TNIK: variants seen among roughly 807,000 people sequenced by gnomAD.
The protein encoded by TNIK is TRAF2 and NCK-interacting protein kinase.
Under a neutral mutation model 191.3 loss-of-function variants are expected in TNIK, and 49 were observed. That is an observed-to-expected ratio of 0.26 (90% CI 0.20 to 0.32). The LOEUF is 0.32. Among genes scored for constraint, TNIK ranks in the 10% least tolerant of loss-of-function variants. The probability of loss-of-function intolerance (pLI) is 1.00; values close to 1 mark genes in which losing one functional copy is unlikely to be tolerated. For synonymous variants in TNIK, 594 were observed against 600.9 expected, an observed-to-expected ratio of 0.99 and a Z score of 0.17; for missense variants, 1,155 against 1,702.3, an observed-to-expected ratio of 0.68 and a Z score of 5.66.
intron 2 of TNIK, among the ~76,000 whole-genome samples, chr3:171,277,606 ATAGCAGGGGT>A (rs995256095): frequency 1.3e-5 from 2 of 152,194 alleles, no homozygotes; most frequent in Non-Finnish European, 2.9e-5. Flanking sequence ...ATAATTGTTT[ATAGCAGGGGT>A]TAGCAAACTA....
intron 1 of TNIK, among the ~76,000 whole-genome samples, chr3:171,383,194 G>A (rs535692821): frequency 3.3e-5 from 5 of 152,210 alleles, no homozygotes; most frequent in African/African-American, 1.2e-4. Context: ...ATGATACAGG[G>A]GGCAAGGAAA....
intron 28 of TNIK, among the ~76,000 whole-genome samples, chr3:171,072,492 A>T (rs897088932): frequency 6.6e-6 from 1 of 152,174 alleles, no homozygotes; most frequent in Non-Finnish European, 1.5e-5. Context: ...GAATGGGAAA[A>T]AGCTAAGAGC....
chr3:171,430,010 T>C (rs2108656626), intron 1 of TNIK, among the ~76,000 whole-genome samples: 1 of 152,280 alleles, frequency 6.6e-6, no homozygotes, highest in East Asian at 1.9e-4. Context: ...CCAGACCTAC[T>C]GATTCAGAAT....
At chr3:171,339,025 T>C (rs1757259920) in intron 2 of TNIK, among the ~76,000 whole-genome samples, 1 of 152,206 alleles carries the variant, frequency 6.6e-6, no homozygotes, top group African/African-American at 2.4e-5. Context: ...TCGTCTTTCT[T>C]TTCTCCTAAA....
chr3:171,199,499 T>C (rs1342912148), intron 4 of TNIK, among the ~76,000 whole-genome samples: 2 of 152,260 alleles, frequency 1.3e-5, no homozygotes, highest in Non-Finnish European at 2.9e-5. Flanking sequence ...GAATTTACCA[T>C]GTGCCAGGCA....
intron 12 of TNIK, among the ~76,000 whole-genome samples, chr3:171,144,571 CAA>C (rs963234983): frequency 9.9e-5 from 15 of 152,080 alleles, no homozygotes; most frequent in African/African-American, 3.1e-4. Flanking sequence ...ATGTAATGAT[CAA>C]GTCAGTGTAA....
intron 2 of TNIK, among the ~76,000 whole-genome samples, chr3:171,345,328 T>A (rs1711987220): frequency 6.6e-6 from 1 of 152,194 alleles, no homozygotes; most frequent in Admixed American, 6.5e-5. Flanking sequence ...ACCAGTCTCT[T>A]CCTTTGTTAT....
At chr3:171,286,085 C>T (rs1199183552) in intron 2 of TNIK, among the ~76,000 whole-genome samples, 3 of 152,076 alleles carry the variant, frequency 2.0e-5, no homozygotes, top group African/African-American at 7.2e-5. Flanking sequence ...TTAGCCTTTG[C>T]TGGGGAGAGA....
At chr3:171,322,117 A>AT (rs1246603503) in intron 2 of TNIK, among the ~76,000 whole-genome samples, 3 of 152,194 alleles carry the variant, frequency 2.0e-5, no homozygotes, top group Non-Finnish European at 4.4e-5. Context: ...TTACTCCTAC[A>AT]AAACCTAAAC....
At chr3:171,295,877 C>T (rs1185461786) in intron 2 of TNIK, among the ~76,000 whole-genome samples, 1 of 152,164 alleles carries the variant, frequency 6.6e-6, no homozygotes, top group Non-Finnish European at 1.5e-5. Context: ...GCAGGACATG[C>T]CCCTCCCAGG....
intron 4 of TNIK, among the ~76,000 whole-genome samples, chr3:171,197,096 AAAG>A (rs1169334762): frequency 6.6e-6 from 1 of 152,228 alleles, no homozygotes; most frequent in Non-Finnish European, 1.5e-5. Flanking sequence ...AGTTTTGTAA[AAAG>A]AAGTTCTTAT....
intron 2 of TNIK, among the ~76,000 whole-genome samples, chr3:171,290,325 C>T (rs1313451428): frequency 3.3e-5 from 5 of 152,122 alleles, no homozygotes; most frequent in Non-Finnish European, 5.9e-5. Flanking sequence ...TCCAAGCCAA[C>T]CCAGATTTGA....
intron 2 of TNIK, among the ~76,000 whole-genome samples, chr3:171,285,873 G>C (rs1292854010): frequency 6.6e-6 from 1 of 152,202 alleles, no homozygotes; most frequent in Non-Finnish European, 1.5e-5. Flanking sequence ...GATGTAGTCG[G>C]AGAGTTGAGA....
intron 22 of TNIK, among the ~76,000 whole-genome samples, chr3:171,099,555 C>T (rs952658879): frequency 1.3e-5 from 2 of 152,106 alleles, no homozygotes; most frequent in African/African-American, 4.8e-5. Flanking sequence ...TAAGGCATAA[C>T]CCTTACCCTG....
intron 2 of TNIK, among the ~76,000 whole-genome samples, chr3:171,334,852 G>A (rs548125673): frequency 2.0e-3 from 291 of 148,706 alleles, no homozygotes; most frequent in African/African-American, 6.8e-3. Flanking sequence ...CTTGAATCCT[G>A]TATAGTTGAT....
chr3:171,256,581 A>T (rs1003305761), intron 2 of TNIK, among the ~76,000 whole-genome samples: 5 of 152,188 alleles, frequency 3.3e-5, no homozygotes, highest in African/African-American at 1.2e-4. Context: ...TTTAGGAAAT[A>T]CTGTTTTGCC....
intron 2 of TNIK, among the ~76,000 whole-genome samples, chr3:171,287,848 G>A (rs1751184581): frequency 6.6e-6 from 1 of 152,070 alleles, no homozygotes; most frequent in South Asian, 2.1e-4. Flanking sequence ...ACAGGATGCT[G>A]CTATAAAGAC....
intron 20 of TNIK, 179 bp downstream of exon 20, chr3:171,107,886 T>A (rs1043701654): frequency 9.3e-6 from 5 of 536,264 alleles, no homozygotes; most frequent in Admixed American, 3.6e-5. Context: ...GAGGAGTCAA[T>A]CCAAGATCTC....
chr3:171,130,355 C>A (rs1729073969), intron 15 of TNIK, among the ~76,000 whole-genome samples: 1 of 152,192 alleles, frequency 6.6e-6, no homozygotes, highest in African/African-American at 2.4e-5. Context: ...ATCTCTTCCC[C>A]CACCATGGCT....
Sources: allele counts gnomAD v4.1 joint callset (sites outside exome capture counted in the v4.1 genomes callset), GRCh38; gene constraint gnomAD v4.1.1; transcripts MANE v1.5; gene names NCBI Gene and HGNC (gene_info 2026-07-23, HGNC 2026-07-21).